Variants in GREB1L observed in about 807,000 individuals in gnomAD.
GREB1L encodes GREB1 like retinoic acid receptor coactivator.
Under a neutral mutation model 200.8 loss-of-function variants are expected in GREB1L, and 17 were observed. The observed-to-expected ratio is 0.08, with a 90% CI of 0.06 to 0.13. The LOEUF is 0.13. Ranked by LOEUF, GREB1L falls within the 10% of genes least tolerant of loss-of-function variation. The probability of loss-of-function intolerance (pLI) is 1.00; values close to 1 mark genes in which losing one functional copy is unlikely to be tolerated. For synonymous variants in GREB1L, 789 were observed against 893.0 expected (o/e 0.88, Z 2.08); for missense variants, 1,657 against 2,367.7 (o/e 0.70, Z 6.23).
intron 19 of GREB1L, among the ~76,000 whole-genome samples, chr18:21,494,111 C>CGAA (rs1411549898): frequency 6.6e-6 from 1 of 151,860 alleles, no homozygotes; most frequent in African/African-American, 2.4e-5. Context: ...GTTATGGTTC[C>CGAA]CCCTGACATG....
intron 1 of GREB1L, among the ~76,000 whole-genome samples, chr18:21,347,213 G>C (rs2039359548): frequency 6.6e-6 from 1 of 151,696 alleles, no homozygotes; most frequent in Non-Finnish European, 1.5e-5. Flanking sequence ...AGGAGGCAGT[G>C]GTTGCAGTGA....
intron 1 of GREB1L, among the ~76,000 whole-genome samples, chr18:21,258,287 G>T (rs2037833410): frequency 6.6e-6 from 1 of 152,138 alleles, no homozygotes; most frequent in Non-Finnish European, 1.5e-5. Context: ...ATTTTGGTTG[G>T]CAAGGAATGG....
At chr18:21,246,741 C>G (rs977015262) in intron 1 of GREB1L, among the ~76,000 whole-genome samples, 1 of 152,076 alleles carries the variant, frequency 6.6e-6, no homozygotes, top group Non-Finnish European at 1.5e-5. Context: ...TTATTTAACT[C>G]TTAGAAAAGT....
intron 4 of GREB1L, among the ~76,000 whole-genome samples, chr18:21,395,153 G>A (rs377142036): frequency 6.0e-4 from 91 of 150,450 alleles, no homozygotes; most frequent in African/African-American, 2.2e-3. Context: ...TGAAGTTGTC[G>A]CTTTGGCTGA....
intron 21 of GREB1L, among the ~76,000 whole-genome samples, chr18:21,498,953 T>A (rs1352868246): frequency 3.1e-4 from 47 of 152,198 alleles, no homozygotes; most frequent in Non-Finnish European, 1.5e-5. Flanking sequence ...AGCTTTTGGT[T>A]TGTCTTTAAA....
intron 9 of GREB1L, 74 bp from the exon 10 acceptor site, chr18:21,441,326 A>T (rs1322857850): frequency 3.2e-6 from 4 of 1,265,522 alleles, no homozygotes; most frequent in African/African-American, 1.5e-5. Flanking sequence ...TAAAAGTATT[A>T]AAACTGCATT....
At chr18:21,268,883 C>T (rs2038035078) in intron 1 of GREB1L, among the ~76,000 whole-genome samples, 2 of 151,700 alleles carry the variant, frequency 1.3e-5, no homozygotes, top group Admixed American at 1.3e-4. Context: ...TGTGCCCGGC[C>T]CTGGTGTCAG....
intron 1 of GREB1L, among the ~76,000 whole-genome samples, chr18:21,250,352 T>C (rs2037683226): frequency 6.6e-6 from 1 of 152,130 alleles, no homozygotes; most frequent in Non-Finnish European, 1.5e-5. Context: ...TTGCCTGGGG[T>C]GCTTGTTAAA....
chr18:21,489,993 G>A lies in GREB1L; in HGVS notation c.2691-19G>A. 1.3e-6 allele frequency: 2 copies of A among 1,539,482 alleles called. No individual in the cohort carries two copies. The highest frequency in any genetic ancestry group is 1.8e-6 in the Non-Finnish European group (2 of 1,138,524). ...CTGGCCCTGCTGCCTGAGTGCTAGT[G>A]CCTTGTTTTCTGTTGAAGGTACCCC... On this transcript the variant is annotated intron_variant, in intron 18 of 32. Transcript: ENST00000424526.
chr18:21,486,329 G>T (rs1208249429), intron 18 of GREB1L, among the ~76,000 whole-genome samples: 1 of 151,522 alleles, frequency 6.6e-6, no homozygotes, highest in Non-Finnish European at 1.5e-5. Context: ...ACTCCAGCCT[G>T]GGTGACAGAG....
intron 2 of GREB1L, among the ~76,000 whole-genome samples, chr18:21,377,441 C>T (rs1341798085): frequency 3.9e-5 from 6 of 152,082 alleles, no homozygotes; most frequent in Admixed American, 2.0e-4. Flanking sequence ...TTAATAATTA[C>T]TCTTATTATT....
At chr18:21,247,118 C>T (rs957022462) in intron 1 of GREB1L, among the ~76,000 whole-genome samples, 1 of 152,136 alleles carries the variant, frequency 6.6e-6, no homozygotes, top group Non-Finnish European at 1.5e-5. Context: ...CTATTGTGTA[C>T]ACTTTCTTCC....
intron 1 of GREB1L, among the ~76,000 whole-genome samples, chr18:21,257,004 C>CAAAAAA (rs747739158): frequency 3.2e-5 from 2 of 62,108 alleles, no homozygotes; most frequent in African/African-American, 1.2e-4. Context: ...GACTCCGTCT[C>CAAAAAA]AAAAAAAAAA....
intron 7 of GREB1L, among the ~76,000 whole-genome samples, chr18:21,434,149 C>T (rs932309608): frequency 4.3e-4 from 66 of 152,028 alleles, no homozygotes; most frequent in African/African-American, 1.5e-3. Flanking sequence ...ATAATAAACT[C>T]ATCTAGGTAG....
chr18:21,472,680 AT>A (rs2035529140), intron 15 of GREB1L, among the ~76,000 whole-genome samples: 2 of 152,216 alleles, frequency 1.3e-5, no homozygotes, highest in South Asian at 4.1e-4. Context: ...CCAAAGCTTA[AT>A]TTTTTTCCAG....
At chr18:21,507,824 C>T (rs533666230) in intron 25 of GREB1L, among the ~76,000 whole-genome samples, 106 of 152,314 alleles carry the variant, frequency 7.0e-4, no homozygotes, top group South Asian at 1.2e-3. Context: ...GACCTCTGCA[C>T]AGGATGAAGC....
Position 21,500,087 on chromosome 18 carries a change from G to A in GREB1L, c.3750G>A (p.Leu1250=). 2 of 1,551,720 alleles carry A rather than the reference G, an allele frequency of 1.3e-6. No homozygotes were observed. Among genetic ancestry groups the A allele is most frequent in the South Asian group, 1.2e-5 (1 of 84,068 alleles). Residue 1250 remains leucine, a synonymous_variant, in exon 22 of 33, where the codon CTG becomes CTA. Transcript: ENST00000424526. ...TGGGCTCCCAGAAGAGTGGCAAGCT[G>A]CCATCCTCCTCCTCCCTGCTGCCCC... ...SLLGSQKSGK[L]PSSSSLLPHA... is the part of the protein sequence containing the mutation.
At chr18:21,468,728 T>G (rs1249491805) in intron 15 of GREB1L, 3 of 456,552 alleles carry the variant, frequency 6.6e-6, no homozygotes, top group Admixed American at 2.3e-5. Flanking sequence ...TGTTCCAGGT[T>G]CCAGTCCAGG....
At chr18:21,446,162 C>CT (rs1215957520) in intron 11 of GREB1L, among the ~76,000 whole-genome samples, 1 of 152,102 alleles carries the variant, frequency 6.6e-6, no homozygotes, top group African/African-American at 2.4e-5. Context: ...GTAGCTGGGA[C>CT]TACAGGCGTG....
Sources: gnomAD v4.1 joint callset for allele counts (sites outside exome capture counted in the v4.1 genomes callset) on GRCh38, gnomAD v4.1.1 for gene constraint, MANE v1.5 for transcripts, NCBI Gene and HGNC (gene_info 2026-07-23, HGNC 2026-07-21) for gene names.